The following CFAP61 variants were observed in gnomAD, a reference collection of about 807,000 sequenced individuals.
CFAP61 encodes cilia and flagella associated protein 61, also known as cilia- and flagella-associated protein 61.
Under a neutral mutation model 135.6 loss-of-function variants are expected in CFAP61, and 107 were observed. The ratio of observed to expected loss-of-function variants is 0.79; its 90% CI spans 0.67 to 0.93. The LOEUF is 0.93. Among genes scored for constraint, CFAP61 ranks in the 40% least tolerant of loss-of-function variants. CFAP61 has a pLI of 0.00. For synonymous variants in CFAP61, 575 were observed against 578.5 expected (o/e 0.99, Z 0.09); for missense variants, 1,507 against 1,556.2 (o/e 0.97, Z 0.53).
At chr20:20,207,906 G>A (rs2056927440) in intron 17 of CFAP61, among the ~76,000 whole-genome samples, 1 of 152,172 alleles carries the variant, frequency 6.6e-6, no homozygotes, top group African/African-American at 2.4e-5. Flanking sequence ...GGGTTATAGT[G>A]TTTGAAACAT....
intron 6 of CFAP61, among the ~76,000 whole-genome samples, chr20:20,090,631 A>C (rs1317054069): frequency 6.7e-6 from 1 of 148,262 alleles, no homozygotes; most frequent in Non-Finnish European, 1.5e-5. Context: ...CAGAGGTTGC[A>C]ATGAGCCGAG....
At chr20:20,271,125 C>T (rs1384564168) in intron 21 of CFAP61, among the ~76,000 whole-genome samples, 1 of 151,994 alleles carries the variant, frequency 6.6e-6, no homozygotes, top group Non-Finnish European at 1.5e-5. Context: ...GACCCCATCT[C>T]TACAAAAGTT....
At chr20:20,256,793 C>G (rs6136974) in intron 20 of CFAP61, among the ~76,000 whole-genome samples, 68,525 of 151,960 alleles carry the variant, frequency 0.45, 15,807 homozygotes, top group East Asian at 0.72. Flanking sequence ...CTTTTTTACC[C>G]GAAAAACATA....
chr20:20,144,325 G>T (rs1436173142), intron 9 of CFAP61, among the ~76,000 whole-genome samples: 3 of 152,092 alleles, frequency 2.0e-5, no homozygotes, highest in African/African-American at 4.8e-5. Flanking sequence ...CATTAGAACA[G>T]TTATCATAAC....
chr20:20,053,282 T>A (rs2043916005), intron 1 of CFAP61, among the ~76,000 whole-genome samples: 1 of 152,206 alleles, frequency 6.6e-6, no homozygotes, highest in African/African-American at 2.4e-5. Context: ...ACAACAAAAT[T>A]AAGTGGAAGA....
chr20:20,347,745 C>T (rs1254260511), intron 26 of CFAP61, among the ~76,000 whole-genome samples: 1 of 151,804 alleles, frequency 6.6e-6, no homozygotes, highest in Non-Finnish European at 1.5e-5. Flanking sequence ...CCAACCTGAC[C>T]AACATGGTGA....
chr20:20,272,088 A>G lies in CFAP61; in HGVS notation c.2504-5078A>G, dbSNP rs571671979. On this transcript the variant is annotated intron_variant, in intron 21 of 26. Coordinates refer to ENST00000245957, the MANE Select transcript of CFAP61 (RefSeq NM_015585.4). ...ATATGGACATACTATATATCCAGAAAATTAAAATTTAAATAAATAAATTCA... is the reference window on the plus strand; with the variant it reads ...ATATGGACATACTATATATCCAGAAGATTAAAATTTAAATAAATAAATTCA... Among the ~76,000 whole-genome samples, 7 of 152,352 alleles carry G rather than the reference A, an allele frequency of 4.6e-5. No individual in the cohort carries two copies. The East Asian group carries it at 1.3e-3, about 29-fold the overall frequency.
intron 21 of CFAP61, 63 bp downstream of exon 21, chr20:20,263,193 TTCTTCATCTAGTTCCAGTA>T: frequency 8.1e-7 from 1 of 1,227,648 alleles, no homozygotes; most frequent in Non-Finnish European, 1.1e-6. Context: ...ATGAGTCTCA[TTCTTCATCTAGTTCCAGTA>T]TATAATTAGT....
At chr20:20,309,531 C>T (rs976116006) in intron 25 of CFAP61, among the ~76,000 whole-genome samples, 3 of 152,292 alleles carry the variant, frequency 2.0e-5, no homozygotes, top group Middle Eastern at 3.4e-3. Context: ...GGGCTTTCCA[C>T]GTGCCACAAC....
chr20:20,082,800 T>C (rs964032630), intron 6 of CFAP61, among the ~76,000 whole-genome samples: 1 of 152,142 alleles, frequency 6.6e-6, no homozygotes, highest in African/African-American at 2.4e-5. Context: ...TACTACTACC[T>C]TACTCCTGCA....
intron 13 of CFAP61, chr20:20,171,913 C>A: frequency 1.8e-6 from 1 of 561,180 alleles, no homozygotes; most frequent in Admixed American, 3.6e-5. Context: ...AGCACCGTAG[C>A]CACATTGCAG....
intron 25 of CFAP61, among the ~76,000 whole-genome samples, chr20:20,311,005 A>G (rs2056794293): frequency 6.6e-6 from 1 of 152,024 alleles, no homozygotes; most frequent in Admixed American, 6.6e-5. Context: ...TTTGGATGAA[A>G]CTCAGTCCCA....
chr20:20,240,622 C>T (rs915361546), intron 18 of CFAP61, among the ~76,000 whole-genome samples: 1 of 151,926 alleles, frequency 6.6e-6, no homozygotes, highest in Non-Finnish European at 1.5e-5. Flanking sequence ...TTCTCATATC[C>T]CCAGCTCATC....
At chr20:20,230,150 A>T (rs933655629) in intron 18 of CFAP61, among the ~76,000 whole-genome samples, 1 of 152,240 alleles carries the variant, frequency 6.6e-6, no homozygotes, top group Non-Finnish European at 1.5e-5. Context: ...CTTAGATCTA[A>T]TAAAGACAAG....
chr20:20,171,313 C>T (rs2054203735), intron 13 of CFAP61, among the ~76,000 whole-genome samples: 1 of 152,196 alleles, frequency 6.6e-6, no homozygotes. Context: ...AGAATACCAG[C>T]TTTTTCTCCA....
rs1264908904 is a variant in CFAP61, at chr20:20,106,906, A to G, written c.859+8092A>G. On this transcript the variant is annotated intron_variant, in intron 8 of 26. Coordinates refer to ENST00000245957, the MANE Select transcript of CFAP61 (RefSeq NM_015585.4). Reference sequence around the variant, plus strand: ...GTTGATATGCCACTTGTGTTGCAGGATAATTATAGTAATTTGGCTATTACG... The same window carrying G: ...GTTGATATGCCACTTGTGTTGCAGGGTAATTATAGTAATTTGGCTATTACG... Among the ~76,000 whole-genome samples the G allele has an allele frequency of 2.0e-5, 3 of 152,308 alleles. No individual in the cohort carries two copies. In the East Asian group the frequency reaches 5.8e-4, roughly 29 times the overall value.
At chr20:20,139,387 G>A (rs1263152182) in intron 8 of CFAP61, among the ~76,000 whole-genome samples, 2 of 152,222 alleles carry the variant, frequency 1.3e-5, no homozygotes, top group Non-Finnish European at 2.9e-5. Flanking sequence ...CTCACTTAGA[G>A]AGAAAGTCCT....
chr20:20,187,913 T>C lies in CFAP61; in HGVS notation c.1386-17T>C. 6.2e-7 allele frequency: 1 copy of C among 1,605,872 alleles called. No individual in the cohort carries two copies. Among genetic ancestry groups the C allele is most frequent in the Non-Finnish European group, 8.5e-7 (1 of 1,172,978 alleles). On this transcript the variant is annotated splice_polypyrimidine_tract_variant and intron_variant, in intron 13 of 26. Coordinates refer to ENST00000245957, the MANE Select transcript of CFAP61 (RefSeq NM_015585.4). ...TTTAGTACTTTAACTTAAAAATATA[T>C]TCCTCTCCTTACCCAGGTCCATTAA...
intron 25 of CFAP61, 46 bp downstream of exon 25, chr20:20,298,432 T>C: frequency 6.7e-7 from 1 of 1,501,238 alleles, no homozygotes; most frequent in South Asian, 1.2e-5. Context: ...CAAATATATA[T>C]ATAATGTCTG....
Sources: allele counts gnomAD v4.1 joint callset (sites outside exome capture counted in the v4.1 genomes callset), GRCh38; gene constraint gnomAD v4.1.1; transcripts MANE v1.5; gene names NCBI Gene and HGNC (gene_info 2026-07-23, HGNC 2026-07-21).